The following ARHGAP15 variants were observed in gnomAD, a reference collection of about 807,000 sequenced individuals.
The protein encoded by ARHGAP15 is Rho GTPase activating protein 15, also known as rho GTPase-activating protein 15.
Under a neutral mutation model 63.7 loss-of-function variants are expected in ARHGAP15, and 51 were observed. The ratio of observed to expected loss-of-function variants is 0.80; its 90% CI spans 0.64 to 1.01. ARHGAP15 has a LOEUF of 1.01. ARHGAP15 is among the 50% of genes least tolerant of loss of function. The pLI, the probability that ARHGAP15 is intolerant of heterozygous loss-of-function variation, is 0.00. For synonymous variants in ARHGAP15, 191 were observed against 193.8 expected (o/e 0.99, Z 0.12); for missense variants, 560 against 564.6 (o/e 0.99, Z 0.08).
At chr2:143,543,894 G>C (rs527275661) in intron 10 of ARHGAP15, among the ~76,000 whole-genome samples, 1 of 152,240 alleles carries the variant, frequency 6.6e-6, no homozygotes, top group Non-Finnish European at 1.5e-5. Flanking sequence ...CCCTTATGTA[G>C]TACAGAATGA....
chr2:143,340,819 C>T (rs768885237), intron 6 of ARHGAP15, among the ~76,000 whole-genome samples: 1 of 152,098 alleles, frequency 6.6e-6, no homozygotes, highest in Non-Finnish European at 1.5e-5. Context: ...TGGAAAAGTA[C>T]GCTTACTGAA....
intron 6 of ARHGAP15, among the ~76,000 whole-genome samples, chr2:143,321,718 A>G (rs1684033623): frequency 6.6e-6 from 1 of 152,216 alleles, no homozygotes; most frequent in Non-Finnish European, 1.5e-5. Context: ...TGTTTTTGAG[A>G]CAAGGTCTTG....
At chr2:143,572,475 C>T (rs2105123852) in intron 11 of ARHGAP15, among the ~76,000 whole-genome samples, 1 of 152,292 alleles carries the variant, frequency 6.6e-6, no homozygotes, top group Middle Eastern at 3.4e-3. Context: ...AGAGTCCACT[C>T]AGACTTTCTA....
intron 8 of ARHGAP15, among the ~76,000 whole-genome samples, chr2:143,486,046 G>C (rs1390378196): frequency 6.6e-6 from 1 of 152,076 alleles, no homozygotes; most frequent in African/African-American, 2.4e-5. Flanking sequence ...GTAGTCAAAG[G>C]CAGGGAAAGC....
At chr2:143,599,855 C>T (rs1203432551) in intron 11 of ARHGAP15, among the ~76,000 whole-genome samples, 1 of 152,116 alleles carries the variant, frequency 6.6e-6, no homozygotes, top group African/African-American at 2.4e-5. Context: ...TTTTAAATGG[C>T]TAAATTATTT....
At chr2:143,600,118 A>T (rs1697706119) in intron 11 of ARHGAP15, among the ~76,000 whole-genome samples, 1 of 152,150 alleles carries the variant, frequency 6.6e-6, no homozygotes, top group African/African-American at 2.4e-5. Flanking sequence ...TATTTACTTA[A>T]AATTTTTCTT....
intron 6 of ARHGAP15, among the ~76,000 whole-genome samples, chr2:143,361,416 G>A (rs902197091): frequency 6.6e-6 from 1 of 152,126 alleles, no homozygotes; most frequent in Non-Finnish European, 1.5e-5. Flanking sequence ...AAAGGGAAGA[G>A]CACTCTTATG....
intron 6 of ARHGAP15, among the ~76,000 whole-genome samples, chr2:143,409,571 A>C (rs1435250597): frequency 6.6e-6 from 1 of 152,106 alleles, no homozygotes; most frequent in Non-Finnish European, 1.5e-5. Context: ...ATATACCCCC[A>C]GTACAAAGAA....
At chr2:143,715,239 G>A (rs1245818793) in intron 13 of ARHGAP15, among the ~76,000 whole-genome samples, 2 of 152,172 alleles carry the variant, frequency 1.3e-5, no homozygotes, top group African/African-American at 4.8e-5. Context: ...CAGATCTTGT[G>A]AGACTTATTC....
intron 13 of ARHGAP15, among the ~76,000 whole-genome samples, chr2:143,725,874 T>A (rs1421412483): frequency 6.6e-6 from 1 of 152,100 alleles, no homozygotes; most frequent in Non-Finnish European, 1.5e-5. Context: ...TTTCCCCCTA[T>A]AAAAAACACA....
chr2:143,579,618 A>G (rs1285668456), intron 11 of ARHGAP15, among the ~76,000 whole-genome samples: 1 of 152,152 alleles, frequency 6.6e-6, no homozygotes, highest in African/African-American at 2.4e-5. Context: ...GGAGCAACTC[A>G]AATGCATCCC....
At chr2:143,173,731 T>A (rs2105053829) in intron 2 of ARHGAP15, among the ~76,000 whole-genome samples, 1 of 152,252 alleles carries the variant, frequency 6.6e-6, no homozygotes, top group East Asian at 1.9e-4. Context: ...CAGAAAAGGT[T>A]AATGGCATAT....
In ARHGAP15 at chr2:143,763,359, T is replaced by C. The variant is rs561470891; in HGVS notation, c.1245-4630T>C. ...TGAATCATGACATTTATAACAGCAT[T>C]AATACATTTTCCCAGACATTCCCAG... On this transcript the variant is annotated intron_variant, in intron 13 of 13. Transcript: ENST00000295095. 6.5e-4 allele frequency among the ~76,000 whole-genome samples: 99 copies of C among 152,120 alleles called. 1 individual carries two copies. The highest frequency in any genetic ancestry group is 1.8e-3 in the Admixed American group (28 of 15,252).
chr2:143,489,978 GTTTTCT>G (rs1553488952), intron 9 of ARHGAP15, among the ~76,000 whole-genome samples: 1 of 152,002 alleles, frequency 6.6e-6, no homozygotes, highest in African/African-American at 2.4e-5. Context: ...CGACATGTCA[GTTTTCT>G]TTTTCTTTTT....
At chr2:143,574,009 C>A (rs1048658047) in intron 11 of ARHGAP15, among the ~76,000 whole-genome samples, 1 of 152,100 alleles carries the variant, frequency 6.6e-6, no homozygotes, top group African/African-American at 2.4e-5. Flanking sequence ...TGAAAATGTG[C>A]ATTATCAGTG....
At chr2:143,758,104 C>T (rs906820366) in intron 13 of ARHGAP15, among the ~76,000 whole-genome samples, 2 of 151,874 alleles carry the variant, frequency 1.3e-5, no homozygotes, top group African/African-American at 4.8e-5. Context: ...TAAGGTATTT[C>T]CATACTATGA....
Position 143,315,705 on chromosome 2 carries a change from C to T in ARHGAP15, c.474+65105C>T, listed in dbSNP as rs547008093. Among the ~76,000 whole-genome samples, 581 of 152,248 alleles carry T rather than the reference C, an allele frequency of 3.8e-3. 5 individuals are homozygous for T. Among genetic ancestry groups the T allele is most frequent in the African/African-American group, 0.013 (532 of 41,542 alleles). On this transcript the variant is annotated intron_variant, in intron 6 of 13. Transcript: ENST00000295095. ...TAAGGACACCACTAAAATCTACTCTCTCCAACATTTTTTAACCTAAAAAAT... is the reference window on the plus strand; with the variant it reads ...TAAGGACACCACTAAAATCTACTCTTTCCAACATTTTTTAACCTAAAAAAT...
At chr2:143,659,894 T>C (rs1276035591) in intron 12 of ARHGAP15, among the ~76,000 whole-genome samples, 1 of 152,034 alleles carries the variant, frequency 6.6e-6, no homozygotes, top group African/African-American at 2.4e-5. Flanking sequence ...CTTGGAGTTT[T>C]TTTTTCCCCC....
intron 5 of ARHGAP15, among the ~76,000 whole-genome samples, chr2:143,229,559 A>G (rs185994469): frequency 5.9e-5 from 9 of 152,286 alleles, no homozygotes; most frequent in Admixed American, 5.2e-4. Context: ...GGCAGGCAAC[A>G]TATCTGACAG....
Sources: allele counts gnomAD v4.1 joint callset (sites outside exome capture counted in the v4.1 genomes callset), GRCh38; gene constraint gnomAD v4.1.1; transcripts MANE v1.5; gene names NCBI Gene and HGNC (gene_info 2026-07-23, HGNC 2026-07-21).